Variants in CCDC88C observed in about 807,000 individuals in gnomAD.
The protein encoded by CCDC88C is coiled-coil and HOOK domain protein 88C, also known as protein Daple.
Under a neutral mutation model 198.8 loss-of-function variants are expected in CCDC88C, and 131 were observed. That is an observed-to-expected ratio of 0.66 (90% CI 0.57 to 0.76). The LOEUF (loss-of-function observed/expected upper bound fraction) is 0.76, where lower values mean the gene tolerates loss of function less well. CCDC88C is among the 30% of genes least tolerant of loss of function. CCDC88C has a pLI of 0.00. For synonymous variants in CCDC88C, 1,166 were observed against 1,114.7 expected, an observed-to-expected ratio of 1.05 and a Z score of -0.92; for missense variants, 2,553 against 2,631.6, an observed-to-expected ratio of 0.97 and a Z score of 0.65.
chr14:91,290,350 T>C (rs145704171), intron 24 of CCDC88C, among the ~76,000 whole-genome samples: 153 of 152,334 alleles, frequency 1.0e-3, no homozygotes, highest in Non-Finnish European at 1.8e-3. Flanking sequence ...AATTCTGTGG[T>C]TCTGGATTCC....
intron 19 of CCDC88C, 104 bp from the exon 20 acceptor site, chr14:91,304,082 T>G (rs1175392113): frequency 4.4e-6 from 6 of 1,369,434 alleles, no homozygotes; most frequent in Non-Finnish European, 6.0e-6. Flanking sequence ...GCCGGGACCC[T>G]CAGGGCAGAA....
chr14:91,278,101 C>T lies in CCDC88C; in HGVS notation c.4879G>A (p.Ala1627Thr), dbSNP rs1218854931. 6.8e-6 allele frequency: 11 copies of T among 1,612,652 alleles called. No homozygotes were observed. Among genetic ancestry groups the T allele is most frequent in the East Asian group, 2.2e-5 (1 of 44,850 alleles). The change falls in exon 29 of 30, where the codon GCC becomes ACC. Residue 1627 changes from alanine to threonine, a missense_variant. Physicochemically the swap from Ala to Thr is moderately conservative, Grantham distance 58 (BLOSUM62 0). Around this residue, in one of 2 missense-constraint regions of CCDC88C, gnomAD observed 1,293 missense variants for 1,219.6 expected, o/e 1.06. Coordinates refer to ENST00000389857, the MANE Select transcript of CCDC88C (RefSeq NM_001080414.4). ...AAGGGGTACTCGTGGCGGCCGAGGGCGTTGCGTCCCGGTGTGCTGGCTTCC... is the reference window on the plus strand; with the variant it reads ...AAGGGGTACTCGTGGCGGCCGAGGGTGTTGCGTCCCGGTGTGCTGGCTTCC... Reference protein sequence around the residue: ...PREASTPGRNALGRHEYPLPR... With the variant: ...PREASTPGRNTLGRHEYPLPR...
At chr14:91,321,476 G>A (rs1892354404) in intron 12 of CCDC88C, among the ~76,000 whole-genome samples, 172 bp from the exon 13 acceptor site, 2 of 152,180 alleles carry the variant, frequency 1.3e-5, no homozygotes, top group Admixed American at 1.3e-4. Context: ...CCCAGTGCCC[G>A]AGGGCTCCTC....
At chr14:91,301,993 G>A (rs567216010) in intron 20 of CCDC88C, among the ~76,000 whole-genome samples, 69 of 152,302 alleles carry the variant, frequency 4.5e-4, no homozygotes, top group African/African-American at 1.4e-3. Flanking sequence ...ACTTTAGGCC[G>A]GAAGGAGTAG....
chr14:91,382,451 T>C (rs759348327), intron 3 of CCDC88C, among the ~76,000 whole-genome samples: 8 of 152,206 alleles, frequency 5.3e-5, no homozygotes, highest in Admixed American at 1.3e-4. Context: ...ATTGGCCTTC[T>C]TTGTCAGGAA....
At chr14:91,347,488 A>G (rs1176757747) in intron 4 of CCDC88C, among the ~76,000 whole-genome samples, 3 of 152,176 alleles carry the variant, frequency 2.0e-5, no homozygotes, top group Non-Finnish European at 4.4e-5. Flanking sequence ...AATTTACAAG[A>G]AAAAAACAAA....
chr14:91,339,741 T>A lies in CCDC88C; in HGVS notation c.624+143A>T. ...AGGTGACCATGCACTGCAGGGGCCG[T>A]AACCAGGGAAAGCACGCACGTCCCA... On this transcript the variant is annotated intron_variant, in intron 7 of 29. Coordinates refer to ENST00000389857, the MANE Select transcript of CCDC88C (RefSeq NM_001080414.4). This position sits in a 1 kb window ranked among gnomAD's most constrained non-coding sequence, Gnocchi z 5.8. 9.3e-7 allele frequency: 1 copy of A among 1,071,478 alleles called. No homozygotes were observed. The highest frequency in any genetic ancestry group is 1.3e-6 in the Non-Finnish European group (1 of 767,638). The allele number at this position is 1,071,478 out of a possible 1,614,324, so 66.4% of individuals were successfully genotyped here. A position where few individuals can be genotyped will look rare whatever the true frequency, so the allele number is the denominator to read the frequency against.
chr14:91,410,053 A>T (rs1428693643), intron 2 of CCDC88C, among the ~76,000 whole-genome samples: 1 of 152,190 alleles, frequency 6.6e-6, no homozygotes, highest in Non-Finnish European at 1.5e-5. Context: ...CTCAGGCAAA[A>T]GTTGGGTCTG....
rs1893831867 is a variant in CCDC88C, at chr14:91,352,050, A to G, written c.340+7592T>C. Among the ~76,000 whole-genome samples, 1 of 152,224 alleles carries G rather than the reference A, an allele frequency of 6.6e-6. No individual in the cohort carries two copies. The highest frequency in any genetic ancestry group is 2.4e-5 in the African/African-American group (1 of 41,462). The stretch of plus-strand genomic sequence containing the variant: ...AAGTTTGCCCTGGGAAGGGGCGAGG[A>G]GCTAGGGCAGGCAGGGGACGCTCTG... On this transcript the variant is annotated intron_variant, in intron 4 of 29. Transcript: ENST00000389857. The surrounding 1 kb of genome is among the most constrained non-coding windows in gnomAD (Gnocchi z 4.2).
At chr14:91,365,142 T>G (rs981283206) in intron 3 of CCDC88C, among the ~76,000 whole-genome samples, 7 of 151,208 alleles carry the variant, frequency 4.6e-5, no homozygotes. Context: ...CCCTCCAGCC[T>G]AAGTGCTCTC....
chr14:91,306,459 G>A (rs1891559529), intron 18 of CCDC88C, among the ~76,000 whole-genome samples: 2 of 152,190 alleles, frequency 1.3e-5, no homozygotes, highest in Admixed American at 1.3e-4. Context: ...ATTAGCATGG[G>A]GCTTTGGGTC....
intron 3 of CCDC88C, among the ~76,000 whole-genome samples, chr14:91,394,565 C>G (rs1274397622): frequency 6.6e-6 from 1 of 152,222 alleles, no homozygotes; most frequent in East Asian, 1.9e-4. Context: ...ATTATTTACT[C>G]CACTGAATGG....
chr14:91,304,370 C>T (rs573154875), intron 19 of CCDC88C, among the ~76,000 whole-genome samples: 12 of 152,214 alleles, frequency 7.9e-5, no homozygotes, highest in Admixed American at 2.6e-4. Flanking sequence ...GTCACTTGAA[C>T]CAAAGAATTC....
At position 91,284,506 on chromosome 14, in the gene CCDC88C, G is replaced by A. The variant is rs895913890; in HGVS notation, c.4442-989C>T. 1.3e-5 allele frequency among the ~76,000 whole-genome samples: 2 copies of A among 152,228 alleles called. No homozygotes were observed. The highest frequency in any genetic ancestry group is 2.4e-5 in the African/African-American group (1 of 41,458). On this transcript the variant is annotated intron_variant, in intron 25 of 29. Coordinates refer to ENST00000389857, the MANE Select transcript of CCDC88C (RefSeq NM_001080414.4). This position sits in a 1 kb window ranked among gnomAD's most constrained non-coding sequence, Gnocchi z 4.1. ...CGGGACAGGTCATCCTACAGGTGAA[G>A]CTAAAATGAGGATCCACAGGGGAGG...
chr14:91,411,066 C>T (rs1016473231), intron 2 of CCDC88C, among the ~76,000 whole-genome samples: 4 of 152,186 alleles, frequency 2.6e-5, no homozygotes, highest in African/African-American at 9.7e-5. Context: ...AGAACCCTGA[C>T]ATTTACTGTA....
At chr14:91,316,763 TG>T (rs1892116404) in intron 13 of CCDC88C, among the ~76,000 whole-genome samples, 1 of 152,242 alleles carries the variant, frequency 6.6e-6, no homozygotes, top group South Asian at 2.1e-4. Flanking sequence ...TGTGATTTCC[TG>T]GGTCCTACCT....
chr14:91,321,970 G>A (rs2139822342), intron 12 of CCDC88C, among the ~76,000 whole-genome samples: 1 of 152,276 alleles, frequency 6.6e-6, no homozygotes, highest in South Asian at 2.1e-4. Context: ...AAATGGAGAA[G>A]GGAAGAGTCT....
Position 91,273,491 on chromosome 14 carries a change from C to T in CCDC88C, c.5221G>A (p.Glu1741Lys). Residue 1741 changes from glutamate (E) to lysine (K), a missense_variant, in exon 30 of 30, where the codon GAG becomes AAG. Physicochemically the swap from Glu to Lys is moderately conservative, Grantham distance 56 (BLOSUM62 1). Around this residue, in one of 2 missense-constraint regions of CCDC88C, gnomAD observed 1,293 missense variants for 1,219.6 expected, o/e 1.06. Coordinates refer to ENST00000389857, the MANE Select transcript of CCDC88C (RefSeq NM_001080414.4). This position sits in a 1 kb window ranked among gnomAD's most constrained non-coding sequence, Gnocchi z 5.6. ...PTVKMAAPTS[E>K]GRPLKPGQYV... ...TGCCCGGGCTTCAGCGGCCTCCCCT[C>T]CGAGGTGGGGGCGGCCATTTTGACG... 1 of 1,554,870 alleles carries T rather than the reference C, an allele frequency of 6.4e-7. No homozygotes were observed.
chr14:91,282,119 C>T (rs752085148), intron 26 of CCDC88C, among the ~76,000 whole-genome samples: 1 of 152,178 alleles, frequency 6.6e-6, no homozygotes, highest in Non-Finnish European at 1.5e-5. Flanking sequence ...AGAGCAGACC[C>T]TGGGTCCCCT....
Sources: gnomAD v4.1 joint callset for allele counts (sites outside exome capture counted in the v4.1 genomes callset) on GRCh38, gnomAD v4.1.1 for gene constraint, gnomAD v4.1.1 regional missense constraint, Gnocchi (gnomAD v3.1) non-coding constraint, MANE v1.5 for transcripts, NCBI Gene and HGNC (gene_info 2026-07-23, HGNC 2026-07-21) for gene names.